Variants in WASL observed in about 807,000 individuals in gnomAD.
WASL encodes WASP like actin nucleation promoting factor.
A neutral mutation model predicts 55.5 loss-of-function variants in WASL; 20 were observed. The observed-to-expected ratio is 0.36, with a 90% CI of 0.25 to 0.52. The LOEUF (loss-of-function observed/expected upper bound fraction) is 0.52, where lower values mean the gene tolerates loss of function less well. Ranked by LOEUF, WASL falls within the 20% of genes least tolerant of loss-of-function variation. The probability of loss-of-function intolerance (pLI) is 0.92; values close to 1 mark genes in which losing one functional copy is unlikely to be tolerated. For synonymous variants in WASL, 249 were observed against 217.6 expected (o/e 1.14, Z -1.27); for missense variants, 504 against 622.5 (o/e 0.81, Z 2.03).
At chr7:123,721,248 A>G (rs1803938089) in intron 1 of WASL, among the ~76,000 whole-genome samples, 1 of 152,232 alleles carries the variant, frequency 6.6e-6, no homozygotes, top group African/African-American at 2.4e-5. Context: ...CAATGATCTA[A>G]TAAGCATTTA....
intron 1 of WASL, among the ~76,000 whole-genome samples, chr7:123,728,208 T>C (rs1804082357): frequency 6.6e-6 from 1 of 152,192 alleles, no homozygotes; most frequent in South Asian, 2.1e-4. Context: ...CTCACATTTG[T>C]TTAACATTAC....
chr7:123,692,662 A>C lies in WASL; in HGVS notation c.1032T>G (p.Pro344=). The change falls in exon 9 of 11, where the codon CCT becomes CCG. Residue 344 remains proline (P), a synonymous_variant. Coordinates refer to ENST00000223023, the MANE Select transcript of WASL (RefSeq NM_003941.4). ...VPPPPPNRMY[P]PPPPALPSSA... is the part of the protein sequence containing the mutation. The stretch of plus-strand genomic sequence containing the variant: ...AGGAGGGAAGGGCTGGAGGTGGAGG[A>C]GGGTACATCCTATTTGGCGGTGGTG... The C allele has an allele frequency of 6.4e-7, 1 of 1,559,620 alleles. No homozygotes were observed. Among genetic ancestry groups the C allele is most frequent in the Non-Finnish European group, 8.6e-7 (1 of 1,156,950 alleles).
In WASL at chr7:123,748,979, G is replaced by C; in HGVS notation, c.-245C>G. On this transcript the variant is annotated 5_prime_UTR_variant, in exon 1 of 11. Transcript: ENST00000223023. ...CCGGCCAGGCTAGGGCCGGATGGTC[G>C]TTGTCCTCGCACTCCGGCGACTGCG... The C allele has an allele frequency of 1.9e-6, 1 of 521,486 alleles. No homozygotes were observed. Among genetic ancestry groups the C allele is most frequent in the Non-Finnish European group, 3.4e-6 (1 of 297,390 alleles). The allele number at this position is 521,486 out of a possible 1,614,324, so 32.3% of individuals were successfully genotyped here. A position where few individuals can be genotyped will look rare whatever the true frequency, so the allele number is the denominator to read the frequency against.
chr7:123,744,430 T>C (rs1008807266), intron 1 of WASL, among the ~76,000 whole-genome samples: 2 of 152,094 alleles, frequency 1.3e-5, no homozygotes, highest in African/African-American at 4.8e-5. Context: ...TATAGAAGAC[T>C]ACCTAGGCAT....
chr7:123,698,939 T>A (rs1015162396), intron 5 of WASL, among the ~76,000 whole-genome samples: 2 of 152,204 alleles, frequency 1.3e-5, no homozygotes, highest in Non-Finnish European at 2.9e-5. Flanking sequence ...TACTTTTACT[T>A]CTCATTCTTC....
In WASL at chr7:123,692,731, T is replaced by C; in HGVS notation, c.963A>G (p.Ala321=). Residue 321 remains alanine, a synonymous_variant, in exon 9 of 11, where the codon GCA becomes GCG. Transcript: ENST00000223023. ...PPPPSRAPTA[A]PPPPPPSRPS... is the part of the protein sequence containing the mutation. ...GCCTGGAAGGAGGCGGTGGTGGAGG[T>C]GCAGCTGTGGGAGCTCTTGAAGGTG... is the stretch of plus-strand genomic sequence containing the variant. 1 of 1,513,630 alleles carries C rather than the reference T, an allele frequency of 6.6e-7. No homozygotes were observed. Among genetic ancestry groups the C allele is most frequent in the Non-Finnish European group, 8.8e-7 (1 of 1,133,386 alleles). The allele number at this position is 1,513,630 out of a possible 1,614,324, so 93.8% of individuals were successfully genotyped here. A position where few individuals can be genotyped will look rare whatever the true frequency, so the allele number is the denominator to read the frequency against.
chr7:123,748,535 C>T, intron 1 of WASL, 83 bp downstream of exon 1: 1 of 1,486,400 alleles, frequency 6.7e-7, no homozygotes. Context: ...CTCCCGCCTC[C>T]TTCCCCACTC....
At chr7:123,728,422 G>A (rs1804086397) in intron 1 of WASL, among the ~76,000 whole-genome samples, 1 of 152,146 alleles carries the variant, frequency 6.6e-6, no homozygotes, top group Non-Finnish European at 1.5e-5. Flanking sequence ...TGCTATATTA[G>A]GGAGTAAAAA....
Position 123,694,799 on chromosome 7 carries a change from C to CT in WASL, c.741dup (p.Asp248ArgfsTer10). On this transcript the variant is annotated frameshift_variant, in exon 8 of 11. Transcript: ENST00000223023. LOFTEE classifies it high-confidence loss of function. ...TATATAACTTTTGATGTTTCTCTGT[C>CT]TTTAAGTTGTGCCTCTGAGATTCCA... 6.2e-7 allele frequency: 1 copy of CT among 1,613,158 alleles called. No homozygotes were observed. Among genetic ancestry groups the CT allele is most frequent in the Non-Finnish European group, 8.5e-7 (1 of 1,179,564 alleles).
chr7:123,737,596 C>CCAA (rs1554407134), intron 1 of WASL, among the ~76,000 whole-genome samples: 1 of 72,818 alleles, frequency 1.4e-5, no homozygotes, highest in Non-Finnish European at 2.6e-5. Context: ...CTCCGTCTCC[C>CCAA]AAAAAAAAAA....
At chr7:123,730,385 GATAA>G (rs1804117154) in intron 1 of WASL, among the ~76,000 whole-genome samples, 2 of 151,990 alleles carry the variant, frequency 1.3e-5, no homozygotes, top group Admixed American at 6.6e-5. Context: ...ATAGCTTTTA[GATAA>G]ATAAAATTAA....
At position 123,688,952 on chromosome 7, in the gene WASL, A is replaced by C. The variant is rs2402670; in HGVS notation, c.1456+90T>G. The C allele has an allele frequency of 5.6e-4, 642 of 1,137,232 alleles. 3 individuals carry two copies. In the African/African-American group the frequency reaches 8.7e-3, roughly 15 times the overall value. 70.4% of individuals were successfully genotyped at this position (1,137,232 alleles called of 1,614,324 possible). ...GAAAGCTAGCAAAGACAGTCATAAA[A>C]ATAACAGAACGTCAAACATTCAAAT... On this transcript the variant is annotated intron_variant, in intron 10 of 10. Transcript: ENST00000223023.
At chr7:123,737,872 G>A (rs1359019086) in intron 1 of WASL, among the ~76,000 whole-genome samples, 1 of 152,052 alleles carries the variant, frequency 6.6e-6, no homozygotes, top group Non-Finnish European at 1.5e-5. Context: ...TGTTAAACCT[G>A]TACAATGACC....
chr7:123,735,254 A>C (rs1804206303), intron 1 of WASL, among the ~76,000 whole-genome samples: 1 of 152,030 alleles, frequency 6.6e-6, no homozygotes, highest in Non-Finnish European at 1.5e-5. Context: ...CAGATCAATT[A>C]GCAATTATAC....
intron 10 of WASL, among the ~76,000 whole-genome samples, chr7:123,686,562 G>A (rs1156358042): frequency 8.6e-5 from 13 of 151,954 alleles, no homozygotes; most frequent in Admixed American, 8.5e-4. Flanking sequence ...ATATTAGCGT[G>A]ACTATTACAT....
At chr7:123,739,330 C>G (rs551085005) in intron 1 of WASL, among the ~76,000 whole-genome samples, 9 of 152,320 alleles carry the variant, frequency 5.9e-5, no homozygotes, top group African/African-American at 2.2e-4. Context: ...TCCTCAATGC[C>G]TCCTAAAATT....
chr7:123,731,348 T>C (rs1032812577), intron 1 of WASL, among the ~76,000 whole-genome samples: 11 of 152,118 alleles, frequency 7.2e-5, no homozygotes, highest in African/African-American at 7.2e-5. Context: ...CAAATATAGA[T>C]AGATCCTCTA....
intron 1 of WASL, 35 bp downstream of exon 1, chr7:123,748,583 T>C (rs1804483379): frequency 2.5e-6 from 4 of 1,601,962 alleles, no homozygotes; most frequent in Admixed American, 1.7e-5. Flanking sequence ...CGTGAGGTAA[T>C]GTCACGGGTG....
At position 123,683,562 on chromosome 7, in the gene WASL, T is replaced by C. The variant is rs1031509137; in HGVS notation, c.*957A>G. ...TGCCAACTAGATTACATTTTTATGGTTGGTATTTCTGAACACCTCAATCCA... is the reference window on the plus strand; with the variant it reads ...TGCCAACTAGATTACATTTTTATGGCTGGTATTTCTGAACACCTCAATCCA... On this transcript the variant is annotated 3_prime_UTR_variant, in exon 11 of 11. Transcript: ENST00000223023. The C allele has an allele frequency of 6.1e-5, 9 of 147,274 alleles. No individual in the cohort carries two copies. Among genetic ancestry groups the C allele is most frequent in the Admixed American group, 4.0e-4 (6 of 14,908 alleles). 9.1% of individuals were successfully genotyped at this position (147,274 alleles called of 1,614,324 possible). A position where few individuals can be genotyped will look rare whatever the true frequency, so the allele number is the denominator to read the frequency against.
Sources: allele counts gnomAD v4.1 joint callset (sites outside exome capture counted in the v4.1 genomes callset), GRCh38; gene constraint gnomAD v4.1.1; transcripts MANE v1.5; gene names NCBI Gene and HGNC (gene_info 2026-07-23, HGNC 2026-07-21).